XPO6: variants seen among roughly 807,000 people sequenced by gnomAD.
The protein encoded by XPO6 is exportin-6.
Under a neutral mutation model 130.0 loss-of-function variants are expected in XPO6, and 3 were observed. The ratio of observed to expected loss-of-function variants is 0.02; its 90% CI spans 0.01 to 0.06. The LOEUF (loss-of-function observed/expected upper bound fraction) is 0.06. XPO6 is among the 10% of genes least tolerant of loss of function. XPO6 has a pLI of 1.00. For missense variants in XPO6, 970 were observed against 1,393.0 expected, an observed-to-expected ratio of 0.70 and a Z score of 4.83; for synonymous variants, 524 against 548.9, an observed-to-expected ratio of 0.95 and a Z score of 0.63.
Position 28,111,878 on chromosome 16 carries a change from C to A in XPO6, c.2280G>T (p.Arg760=), listed in dbSNP as rs761210297. ...NHASLISALS[R]DYRNLKPSAV... is the part of the protein sequence containing the mutation. ...CACTGGGCTTCAGGTTGCGATAGTC[C>A]CGGGAGAGTGCAGAGATGAGGCTGG... The change falls in exon 17 of 24, where the codon CGG becomes CGT. Residue 760 remains arginine (R), a synonymous_variant. Transcript: ENST00000304658. 2 of 1,614,120 alleles carry A rather than the reference C, an allele frequency of 1.2e-6. No homozygotes were observed. The highest frequency in any genetic ancestry group is 2.2e-5 in the South Asian group (2 of 91,082).
At chr16:28,112,418 C>T (rs369866861) in intron 16 of XPO6, among the ~76,000 whole-genome samples, 1 of 152,194 alleles carries the variant, frequency 6.6e-6, no homozygotes, top group East Asian at 1.9e-4. Context: ...ATCCTGCAAT[C>T]ACATCCTGGT....
chr16:28,162,309 G>C (rs183694985), intron 6 of XPO6, among the ~76,000 whole-genome samples: 104 of 152,298 alleles, frequency 6.8e-4, no homozygotes, highest in Admixed American at 3.8e-3. Flanking sequence ...AGTGGATGGC[G>C]GAAGTGTTTT....
At chr16:28,211,189 G>A (rs1278236747) in intron 1 of XPO6, among the ~76,000 whole-genome samples, 177 bp downstream of exon 1, 1 of 152,162 alleles carries the variant, frequency 6.6e-6, no homozygotes, top group Non-Finnish European at 1.5e-5. Context: ...ATCATCCCTG[G>A]GGGGATGGGA....
intron 1 of XPO6, among the ~76,000 whole-genome samples, chr16:28,197,809 C>T (rs2043889318): frequency 6.7e-6 from 1 of 150,074 alleles, no homozygotes; most frequent in Non-Finnish European, 1.5e-5. Flanking sequence ...GTACCAGCTA[C>T]TTGGGAGGCT....
intron 9 of XPO6, among the ~76,000 whole-genome samples, chr16:28,137,176 A>C (rs1196958898): frequency 6.6e-6 from 1 of 152,208 alleles, no homozygotes; most frequent in Non-Finnish European, 1.5e-5. Flanking sequence ...TCCCAGTTCG[A>C]AAAGATCCCT....
chr16:28,151,179 TAAAA>T lies in XPO6; in HGVS notation c.1224+1476_1224+1479del, dbSNP rs57769506. 1.0e-4 allele frequency among the ~76,000 whole-genome samples: 11 copies of T among 106,770 alleles called. 1 individual carries two copies. Among genetic ancestry groups the T allele is most frequent in the African/African-American group, 3.4e-4 (10 of 29,366 alleles). The allele number at this position is 106,770 out of a possible 152,430, so 70.0% of individuals were successfully genotyped here. On this transcript the variant is annotated intron_variant, in intron 8 of 23. Coordinates refer to ENST00000304658, the MANE Select transcript of XPO6 (RefSeq NM_015171.4). The stretch of plus-strand genomic sequence containing the variant: ...CACATTAAGCTACAACACTAGTGGT[TAAAA>T]AAAAAAAAAAAAAAAGGCTACTTCT...
At chr16:28,142,919 C>T (rs1352130385) in intron 9 of XPO6, among the ~76,000 whole-genome samples, 2 of 152,108 alleles carry the variant, frequency 1.3e-5, no homozygotes, top group Admixed American at 6.5e-5. Flanking sequence ...TTATGTAGGC[C>T]GGGCTGGTCT....
intron 9 of XPO6, among the ~76,000 whole-genome samples, chr16:28,140,231 C>CAAAAAA (rs61153494): frequency 1.7e-5 from 1 of 58,998 alleles, no homozygotes; most frequent in Admixed American, 1.5e-4. Context: ...GACCCCATCT[C>CAAAAAA]AAAAAAAAAA....
At chr16:28,117,152 T>C (rs1292504718) in intron 15 of XPO6, 166 bp downstream of exon 15, 16 of 854,434 alleles carry the variant, frequency 1.9e-5, no homozygotes, top group South Asian at 1.3e-4. Context: ...TCTGAATGCA[T>C]GTAGGCTACA....
At chr16:28,196,594 C>T (rs1196053890) in intron 1 of XPO6, among the ~76,000 whole-genome samples, 1 of 152,180 alleles carries the variant, frequency 6.6e-6, no homozygotes, top group Non-Finnish European at 1.5e-5. Flanking sequence ...TGGTTTGTCT[C>T]CACCTAATCT....
chr16:28,109,417 C>T (rs1189613783), intron 17 of XPO6, among the ~76,000 whole-genome samples: 3 of 151,914 alleles, frequency 2.0e-5, no homozygotes, highest in African/African-American at 4.8e-5. Flanking sequence ...ACTTTCTCTA[C>T]AGTCCTGAGC....
intron 12 of XPO6, among the ~76,000 whole-genome samples, chr16:28,131,453 G>A (rs1255390103): frequency 2.0e-5 from 3 of 152,226 alleles, no homozygotes; most frequent in South Asian, 4.1e-4. Flanking sequence ...GAAGCATGCT[G>A]GGAAGAAGGA....
At position 28,133,872 on chromosome 16, in the gene XPO6, T is replaced by G; in HGVS notation, c.1505A>C (p.Glu502Ala). ...QSLEVVAKVM[E>A]LLPTHAFSTL... ...GGAGAAGGCGTGCGTGGGCAGGAGC[T>G]CCATCACTTTGGCCACCACCTCCAA... is the stretch of plus-strand genomic sequence containing the variant. Residue 502 changes from glutamate (E) to alanine (A), a missense_variant, in exon 11 of 24, where the codon GAG becomes GCG. Physicochemically the swap from Glu to Ala is moderately radical, Grantham distance 107. Transcript: ENST00000304658. 1 of 1,613,962 alleles carries G rather than the reference T, an allele frequency of 6.2e-7. No individual in the cohort carries two copies. Among genetic ancestry groups the G allele is most frequent in the Non-Finnish European group, 8.5e-7 (1 of 1,179,960 alleles).
chr16:28,179,783 C>T (rs2043587168), intron 2 of XPO6, among the ~76,000 whole-genome samples: 1 of 152,134 alleles, frequency 6.6e-6, no homozygotes, highest in Non-Finnish European at 1.5e-5. Context: ...TCAAATAAAG[C>T]TACAATGACT....
chr16:28,161,275 T>C (rs1054402728), intron 6 of XPO6, among the ~76,000 whole-genome samples: 1 of 152,198 alleles, frequency 6.6e-6, no homozygotes, highest in African/African-American at 2.4e-5. Context: ...ATACCTGGCC[T>C]TTGGGACTCC....
intron 1 of XPO6, among the ~76,000 whole-genome samples, chr16:28,204,670 G>A (rs1017533869): frequency 3.3e-5 from 5 of 152,130 alleles, no homozygotes; most frequent in African/African-American, 1.2e-4. Context: ...CACTAAGTTC[G>A]AGGCCTAGAG....
chr16:28,114,789 G>A (rs1323765144), intron 15 of XPO6, among the ~76,000 whole-genome samples: 1 of 152,142 alleles, frequency 6.6e-6, no homozygotes, highest in African/African-American at 2.4e-5. Context: ...ATAGCATTTT[G>A]CCCACAGTAG....
chr16:28,121,858 G>C lies in XPO6; in HGVS notation c.1767-96C>G, dbSNP rs1023035786. 27 of 745,910 alleles carry C rather than the reference G, an allele frequency of 3.6e-5. No individual in the cohort carries two copies. The Middle Eastern group carries it at 7.2e-4, about 20-fold the overall frequency. The allele number at this position is 745,910 out of a possible 1,614,324, so 46.2% of individuals were successfully genotyped here. ...GGTACCAGCAAAGAGCGTAAGGGCA[G>C]ACTTTTTCATATACAAAAAAGAATC... On this transcript the variant is annotated intron_variant, in intron 13 of 23. Transcript: ENST00000304658.
chr16:28,134,248 C>G (rs1288254560), intron 10 of XPO6, among the ~76,000 whole-genome samples: 1 of 152,200 alleles, frequency 6.6e-6, no homozygotes, highest in Non-Finnish European at 1.5e-5. Context: ...CTGACACGGT[C>G]CACTACTGTA....
Sources: allele counts gnomAD v4.1 joint callset (sites outside exome capture counted in the v4.1 genomes callset), GRCh38; gene constraint gnomAD v4.1.1; transcripts MANE v1.5; gene names NCBI Gene and HGNC (gene_info 2026-07-23, HGNC 2026-07-21).